The following SEC16A variants were observed in gnomAD, a reference collection of about 807,000 sequenced individuals.
SEC16A encodes SEC16 homolog A, endoplasmic reticulum export factor.
A neutral mutation model predicts 221.9 loss-of-function variants in SEC16A; 110 were observed. The observed-to-expected ratio is 0.50, with a 90% CI of 0.42 to 0.58. The LOEUF (loss-of-function observed/expected upper bound fraction) is 0.58, where lower values mean the gene tolerates loss of function less well. Ranked by LOEUF, SEC16A falls within the 20% of genes least tolerant of loss-of-function variation. SEC16A has a pLI of 0.00. For missense variants in SEC16A, 3,165 were observed against 3,097.8 expected (o/e 1.02, Z -0.52); for synonymous variants, 1,393 against 1,257.7 (o/e 1.11, Z -2.28).
Position 136,466,317 on chromosome 9 carries a change from T to C in SEC16A, c.4075A>G (p.Ser1359Gly). The change falls in exon 7 of 32, where the codon AGC (serine) becomes GGC (glycine). Residue 1359 changes from serine to glycine, a missense_variant. By Grantham distance (56) the Ser-to-Gly change is moderately conservative. This residue lies in a region of SEC16A where 2,030 missense variants were observed against 1,923.1 expected (regional missense o/e 1.06). Coordinates refer to ENST00000684901, the MANE Select transcript of SEC16A (RefSeq NM_014866.2). This position sits in a 1 kb window ranked among gnomAD's most constrained non-coding sequence, Gnocchi z 5.5. ...CGGCGGCTGGCCAGGCTGTGTGCGC[T>C]GTGCAGGCTCCGTGCCGAGTGCTCG... is the stretch of plus-strand genomic sequence containing the variant. ...HSEHSARSLH[S>G]AHSLASRRSS... 1.9e-6 allele frequency: 3 copies of C among 1,570,634 alleles called. No individual in the cohort carries two copies. The highest frequency in any genetic ancestry group is 2.7e-5 in the African/African-American group (2 of 73,812).
chr9:136,471,193 G>A (rs1395794627), intron 4 of SEC16A, among the ~76,000 whole-genome samples: 2 of 151,880 alleles, frequency 1.3e-5, no homozygotes, highest in Non-Finnish European at 2.9e-5. Flanking sequence ...CTGGCCGGGC[G>A]CAGTGGCTAA....
At chr9:136,472,933 G>A (rs556442994) in intron 3 of SEC16A, among the ~76,000 whole-genome samples, 2 of 152,350 alleles carry the variant, frequency 1.3e-5, no homozygotes, top group South Asian at 2.1e-4. Context: ...CAAAGGACCC[G>A]AAGTGAGGCC....
At chr9:136,443,967 A>G (rs1232050070) in intron 30 of SEC16A, 67 bp from the exon 31 acceptor site, 1 of 1,110,726 alleles carries the variant, frequency 9.0e-7, no homozygotes, top group East Asian at 2.5e-5. Flanking sequence ...TCAAGTGCAG[A>G]TACAGACACC....
intron 23 of SEC16A, chr9:136,448,520 A>G (rs775429480): frequency 5.7e-6 from 4 of 701,158 alleles, no homozygotes; most frequent in Non-Finnish European, 1.1e-5. Flanking sequence ...CACCAGGAGG[A>G]TGGAGGTGGG....
chr9:136,456,953 C>G (rs1230701204), intron 18 of SEC16A, among the ~76,000 whole-genome samples: 1 of 152,020 alleles, frequency 6.6e-6, no homozygotes, highest in Admixed American at 6.5e-5. Flanking sequence ...GCATGCATCA[C>G]TTGAGGTCAA....
In SEC16A at chr9:136,476,985, T is replaced by C. The variant is rs958235841; in HGVS notation, c.631A>G (p.Met211Val). 1 of 1,613,284 alleles carries C rather than the reference T, an allele frequency of 6.2e-7. No homozygotes were observed. The highest frequency in any genetic ancestry group is 8.5e-7 in the Non-Finnish European group (1 of 1,179,848). ...SPSLPQPGLQ[M>V]PGQWGPVQGG... is the part of the protein sequence containing the mutation. ...TGCACTGGCCCCCACTGTCCTGGCA[T>C]CTGCAGACCAGGCTGAGGGAGGGAA... The change falls in exon 3 of 32, where the codon ATG becomes GTG. Residue 211 changes from methionine (M) to valine (V), a missense_variant. This residue lies in a region of SEC16A where 2,030 missense variants were observed against 1,923.1 expected (regional missense o/e 1.06). Coordinates refer to ENST00000684901, the MANE Select transcript of SEC16A (RefSeq NM_014866.2).
Position 136,477,684 on chromosome 9 carries a change from G to A in SEC16A, c.-69C>T, listed in dbSNP as rs1428842117. The A allele has an allele frequency of 4.8e-6, 7 of 1,465,066 alleles. No individual in the cohort carries two copies. Among genetic ancestry groups the A allele is most frequent in the Non-Finnish European group, 6.3e-6 (7 of 1,112,324 alleles). 90.8% of individuals were successfully genotyped at this position (1,465,066 alleles called of 1,614,324 possible). A position where few individuals can be genotyped will look rare whatever the true frequency, so the allele number is the denominator to read the frequency against. On this transcript the variant is annotated splice_region_variant and 5_prime_UTR_variant, in exon 3 of 32. Transcript: ENST00000684901. Reference sequence around the variant, plus strand: ...AGGATATAGCTGTTCCTTAATTGGAGCTGGAAAAGAAAAAGAGAAAATCAG... The same window carrying A: ...AGGATATAGCTGTTCCTTAATTGGAACTGGAAAAGAAAAAGAGAAAATCAG...
intron 22 of SEC16A, among the ~76,000 whole-genome samples, chr9:136,451,633 A>T (rs1048547448): frequency 8.5e-5 from 13 of 152,336 alleles, no homozygotes; most frequent in African/African-American, 3.1e-4. Context: ...GCCGCACTTA[A>T]TAAGCAGCTC....
At position 136,453,416 on chromosome 9, in the gene SEC16A, G is replaced by T. The variant is rs754940320; in HGVS notation, c.6159+12C>A. 1.9e-6 allele frequency: 3 copies of T among 1,606,194 alleles called. No individual in the cohort carries two copies. In the African/African-American group the frequency reaches 4.0e-5, roughly 21 times the overall value. Reference sequence around the variant, plus strand: ...TGGAAAACAAACAGTTTAAGAAAATGTGACAAAGTACCAGATTAGCAAATT... The same window carrying T: ...TGGAAAACAAACAGTTTAAGAAAATTTGACAAAGTACCAGATTAGCAAATT... On this transcript the variant is annotated intron_variant, in intron 22 of 31. Transcript: ENST00000684901.
chr9:136,443,756 T>G, intron 31 of SEC16A, 67 bp downstream of exon 31: 1 of 1,143,650 alleles, frequency 8.7e-7, no homozygotes, highest in East Asian at 2.4e-5. Context: ...CTGCCATCAC[T>G]GAGCAGCAGG....
intron 3 of SEC16A, 143 bp downstream of exon 3, chr9:136,473,905 TG>T: frequency 1.1e-6 from 1 of 876,832 alleles, no homozygotes; most frequent in Non-Finnish European, 1.7e-6. Context: ...GAAGCGTTAC[TG>T]GAATACTGTT....
intron 22 of SEC16A, among the ~76,000 whole-genome samples, chr9:136,452,449 CAAAAAAAAAAAAAAAAAA>C (rs752510860): frequency 8.6e-5 from 2 of 23,280 alleles, no homozygotes; most frequent in African/African-American, 3.3e-4. Flanking sequence ...AACTCCATCT[CAAAAAAAAAAAAAAAAAA>C]AAAAAAAAAA....
chr9:136,454,349 G>T, intron 20 of SEC16A, 22 bp from the exon 21 acceptor site: 1 of 1,554,452 alleles, frequency 6.4e-7, no homozygotes, highest in Non-Finnish European at 8.7e-7. Context: ...CGGTGGAGAA[G>T]AGGTCTGGGG....
At chr9:136,448,562 G>A (rs1258533849) in intron 23 of SEC16A, 1 of 712,950 alleles carries the variant, frequency 1.4e-6, no homozygotes, top group Non-Finnish European at 2.6e-6. Flanking sequence ...GGAGGATGGA[G>A]GTGGGGAGCA....
intron 4 of SEC16A, among the ~76,000 whole-genome samples, chr9:136,470,992 T>G (rs1301350666): frequency 1.3e-5 from 2 of 152,014 alleles, no homozygotes; most frequent in East Asian, 3.8e-4. Flanking sequence ...TCTGCGCACC[T>G]CCCTGAGTGG....
rs368250462 is a variant in SEC16A, at chr9:136,476,376, C to T, written c.1240G>A (p.Ala414Thr). The T allele has an allele frequency of 1.3e-5, 21 of 1,612,562 alleles. No homozygotes were observed. Among genetic ancestry groups the T allele is most frequent in the South Asian group, 3.3e-5 (3 of 91,072 alleles). ...CSSPGLGRPP[A>T]PTHVGAGSLC... The stretch of plus-strand genomic sequence containing the variant: ...CTGCCTGCCCCCACGTGTGTAGGTG[C>T]GGGCGGACGGCCTAGCCCAGGGCTG... Residue 414 changes from alanine (A) to threonine (T), a missense_variant, in exon 3 of 32, where the codon GCA becomes ACA. Ala to Thr is a moderately conservative substitution (Grantham distance 58, BLOSUM62 0). Coordinates refer to ENST00000684901, the MANE Select transcript of SEC16A (RefSeq NM_014866.2).
chr9:136,483,131 C>T (rs569535457), upstream of SEC16A: 3 of 531,480 alleles, frequency 5.6e-6, no homozygotes, highest in Admixed American at 6.5e-5. Flanking sequence ...CTCGGCTCGT[C>T]GGCCCAGACG....
chr9:136,460,818 C>T (rs1241382740), intron 13 of SEC16A, among the ~76,000 whole-genome samples: 4 of 151,998 alleles, frequency 2.6e-5, no homozygotes, highest in African/African-American at 9.7e-5. Context: ...GAGGCCAAGG[C>T]GTGAGGATCA....
At chr9:136,460,146 A>C (rs928024637) in intron 13 of SEC16A, 23 bp from the exon 14 acceptor site, 7 of 1,574,352 alleles carry the variant, frequency 4.4e-6, no homozygotes, top group Non-Finnish European at 6.1e-6. Context: ...AAACACAGAA[A>C]GACCCCATGC....
Sources: allele counts gnomAD v4.1 joint callset (sites outside exome capture counted in the v4.1 genomes callset), GRCh38; gene constraint gnomAD v4.1.1; regional missense constraint gnomAD v4.1.1; non-coding constraint Gnocchi (gnomAD v3.1); transcripts MANE v1.5; gene names NCBI Gene and HGNC (gene_info 2026-07-23, HGNC 2026-07-21).